RALGAPA1: variants seen among roughly 807,000 people sequenced by gnomAD.
The protein encoded by RALGAPA1 is ral GTPase-activating protein subunit alpha-1.
Under a neutral mutation model 269.6 loss-of-function variants are expected in RALGAPA1, and 52 were observed. The observed-to-expected ratio is 0.19, with a 90% CI of 0.15 to 0.24. The LOEUF (loss-of-function observed/expected upper bound fraction) is 0.24, where lower values mean the gene tolerates loss of function less well. Among genes scored for constraint, RALGAPA1 ranks in the 10% least tolerant of loss-of-function variants. RALGAPA1 has a pLI of 1.00. For missense variants in RALGAPA1, 1,917 were observed against 3,013.9 expected (o/e 0.64, Z 8.52); for synonymous variants, 817 against 1,008.3 (o/e 0.81, Z 3.60).
chr14:35,684,905 T>C (rs2065782618), intron 20 of RALGAPA1, 24 bp downstream of exon 20: 3 of 1,602,344 alleles, frequency 1.9e-6, no homozygotes, highest in East Asian at 4.5e-5. Context: ...TAAAACATAG[T>C]ATTCAAATAG....
chr14:35,780,622 G>T (rs902997407), intron 1 of RALGAPA1, among the ~76,000 whole-genome samples: 1 of 152,100 alleles, frequency 6.6e-6, no homozygotes, highest in Non-Finnish European at 1.5e-5. Context: ...TAACCAATTG[G>T]TCAAAGAAAA....
In RALGAPA1 at chr14:35,725,091, G is replaced by C. The variant is rs376510223; in HGVS notation, c.1799C>G (p.Ala600Gly). ...TESVLKMPSQ[A>G]FLQFQGKKNM... ...TTTTTTCCCTTGGAACTGTAGAAAA[G>C]CTTGTGATGGCATCTTCAGTACAGA... Residue 600 changes from alanine to glycine, a missense_variant, in exon 14 of 42, where the codon GCT becomes GGT. This residue lies in a region of RALGAPA1 where 462 missense variants were observed against 725.6 expected (regional missense o/e 0.64). Transcript: ENST00000680220. 3 of 1,608,944 alleles carry C rather than the reference G, an allele frequency of 1.9e-6. No individual in the cohort carries two copies. In the African/African-American group the frequency reaches 4.0e-5, roughly 22 times the overall value.
At chr14:35,723,361 C>A in intron 14 of RALGAPA1, 97 bp from the exon 15 acceptor site, 2 of 661,442 alleles carry the variant, frequency 3.0e-6, no homozygotes, top group South Asian at 2.5e-5. Flanking sequence ...TAAAAACAAG[C>A]AACATTTAAA....
intron 31 of RALGAPA1, among the ~76,000 whole-genome samples, chr14:35,636,451 A>C (rs993596103): frequency 1.3e-5 from 2 of 152,360 alleles, no homozygotes; most frequent in East Asian, 3.9e-4. Context: ...AGAAGGCCCA[A>C]TAAAACCTCA....
chr14:35,762,823 C>T (rs764854225), intron 4 of RALGAPA1, 70 bp from the exon 5 acceptor site: 34 of 912,312 alleles, frequency 3.7e-5, no homozygotes, highest in Non-Finnish European at 5.9e-5. Context: ...CTCGGTCGGA[C>T]TTGAAAACAC....
At chr14:35,763,419 G>T (rs1048144383) in intron 4 of RALGAPA1, among the ~76,000 whole-genome samples, 27 of 151,880 alleles carry the variant, frequency 1.8e-4, no homozygotes, top group African/African-American at 6.3e-4. Flanking sequence ...CCATTATCTA[G>T]GCTTTGGTAT....
At chr14:35,748,971 C>T in intron 9 of RALGAPA1, 147 bp from the exon 10 acceptor site, 1 of 1,296,254 alleles carries the variant, frequency 7.7e-7, no homozygotes, top group Non-Finnish European at 1.0e-6. Context: ...CATAGAGTTT[C>T]ATTTAAAAGC....
intron 39 of RALGAPA1, among the ~76,000 whole-genome samples, chr14:35,563,354 G>A (rs1407445252): frequency 1.3e-5 from 2 of 152,028 alleles, no homozygotes; most frequent in African/African-American, 2.4e-5. Flanking sequence ...GCATTACTGG[G>A]GTAACAACAT....
intron 1 of RALGAPA1, among the ~76,000 whole-genome samples, chr14:35,790,850 G>A (rs1369006743): frequency 2.6e-5 from 4 of 152,128 alleles, no homozygotes; most frequent in African/African-American, 9.7e-5. Context: ...ACAGAAGTCT[G>A]CAAAAGGGTA....
chr14:35,720,613 A>G (rs1245643109), intron 16 of RALGAPA1, among the ~76,000 whole-genome samples: 1 of 152,178 alleles, frequency 6.6e-6, no homozygotes, highest in Non-Finnish European at 1.5e-5. Flanking sequence ...CATTCCCACT[A>G]CACAGATGAA....
intron 35 of RALGAPA1, 119 bp from the exon 36 acceptor site, chr14:35,605,828 T>TA: frequency 1.7e-6 from 2 of 1,200,070 alleles, no homozygotes; most frequent in Non-Finnish European, 2.3e-6. Flanking sequence ...AATTAGATCT[T>TA]ATAGTCTACA....
At chr14:35,722,407 T>C (rs148360411) in intron 15 of RALGAPA1, among the ~76,000 whole-genome samples, 1,635 of 151,482 alleles carry the variant, frequency 0.011, 32 homozygotes, top group African/African-American at 0.038. Flanking sequence ...AGCCCAGGAG[T>C]TCAAGACTAG....
chr14:35,756,575 G>C (rs1831778585), intron 7 of RALGAPA1: 2 of 297,000 alleles, frequency 6.7e-6, no homozygotes, highest in Non-Finnish European at 1.3e-5. Flanking sequence ...GAGAAGTGTA[G>C]GAAATATCCC....
rs375959396 is a variant in RALGAPA1 at position 35,668,139 on chromosome 14, C to T, written c.5202+3250G>A. The stretch of plus-strand genomic sequence containing the variant: ...AATAGATTGGTGGTTACCAGAGGCC[C>T]GGAAGCAGGGAAAGGAGGAAAGAAG... On this transcript the variant is annotated intron_variant, in intron 26 of 41. Transcript: ENST00000680220. 7.9e-5 allele frequency among the ~76,000 whole-genome samples: 12 copies of T among 152,018 alleles called. No individual in the cohort carries two copies. The East Asian group carries it at 1.9e-3, about 24-fold the overall frequency.
chr14:35,595,915 T>G (rs1346772667), intron 36 of RALGAPA1, 126 bp from the exon 37 acceptor site: 3 of 676,804 alleles, frequency 4.4e-6, no homozygotes, highest in Non-Finnish European at 7.4e-6. Flanking sequence ...TCAACCAATA[T>G]TTAATCTAGA....
chr14:35,583,154 C>T (rs532863618), intron 37 of RALGAPA1, among the ~76,000 whole-genome samples: 8 of 152,110 alleles, frequency 5.3e-5, no homozygotes, highest in Admixed American at 3.9e-4. Flanking sequence ...AATTATCAGA[C>T]CAGGAATTTA....
chr14:35,619,492 T>C (rs1215075389), intron 35 of RALGAPA1, among the ~76,000 whole-genome samples: 1 of 151,988 alleles, frequency 6.6e-6, no homozygotes, highest in Non-Finnish European at 1.5e-5. Context: ...AAGAAATAAC[T>C]AAGATCAGAG....
chr14:35,644,610 A>G (rs1488007947), intron 31 of RALGAPA1, among the ~76,000 whole-genome samples: 7 of 152,262 alleles, frequency 4.6e-5, no homozygotes, highest in Non-Finnish European at 1.0e-4. Context: ...AAAAAATAGA[A>G]CAGCACAAAG....
At chr14:35,780,808 T>C (rs1426191990) in intron 1 of RALGAPA1, among the ~76,000 whole-genome samples, 1 of 152,122 alleles carries the variant, frequency 6.6e-6, no homozygotes, top group Non-Finnish European at 1.5e-5. Flanking sequence ...AGTAAGACCA[T>C]TGGCTGGGTG....
Sources: allele counts gnomAD v4.1 joint callset (sites outside exome capture counted in the v4.1 genomes callset), GRCh38; gene constraint gnomAD v4.1.1; regional missense constraint gnomAD v4.1.1; transcripts MANE v1.5; gene names NCBI Gene and HGNC (gene_info 2026-07-23, HGNC 2026-07-21).